Variants in TMTC2 observed in about 807,000 individuals in gnomAD.
TMTC2 encodes the protein transmembrane O-mannosyltransferase targeting cadherins 2.
TMTC2 carries 43 observed loss-of-function variants against 82.4 expected under a neutral mutation model. That is an observed-to-expected ratio of 0.52 (90% CI 0.41 to 0.67). The LOEUF is 0.67. TMTC2 is among the 30% of genes least tolerant of loss of function. The pLI is 0.00. For synonymous variants in TMTC2, 408 were observed against 381.9 expected (o/e 1.07, Z -0.80); for missense variants, 919 against 1,012.4 (o/e 0.91, Z 1.25).
At chr12:82,921,121 A>C (rs926385158) in intron 3 of TMTC2, among the ~76,000 whole-genome samples, 14 of 152,084 alleles carry the variant, frequency 9.2e-5, no homozygotes, top group Non-Finnish European at 2.1e-4. Context: ...TGAGAGGATA[A>C]CTCATTTGGA....
chr12:82,828,731 A>T (rs946025340), intron 1 of TMTC2, among the ~76,000 whole-genome samples: 4 of 152,162 alleles, frequency 2.6e-5, no homozygotes, highest in African/African-American at 9.7e-5. Context: ...TACACATAGT[A>T]CCCAAATATT....
intron 4 of TMTC2, among the ~76,000 whole-genome samples, chr12:82,948,630 A>T (rs1224672035): frequency 2.0e-5 from 3 of 152,208 alleles, no homozygotes; most frequent in African/African-American, 7.2e-5. Context: ...TTGCTTTAAC[A>T]GCAGACTTTC....
intron 11 of TMTC2, among the ~76,000 whole-genome samples, chr12:83,126,798 T>C (rs1007431103): frequency 6.6e-6 from 1 of 152,092 alleles, no homozygotes; most frequent in African/African-American, 2.4e-5. Flanking sequence ...GTATTTAACA[T>C]TCTTTTTTTT....
intron 1 of TMTC2, among the ~76,000 whole-genome samples, chr12:82,828,091 C>T (rs1869528698): frequency 6.6e-6 from 1 of 151,616 alleles, no homozygotes; most frequent in Admixed American, 6.6e-5. Context: ...CTGGGTTTCA[C>T]GGTATTGGTC....
intron 1 of TMTC2, among the ~76,000 whole-genome samples, chr12:82,765,698 AAAAC>A (rs139130701): frequency 0.041 from 6,012 of 146,732 alleles, 131 homozygotes; most frequent in African/African-American, 0.066. Context: ...AAAACAAAAC[AAAAC>A]AAACAAACAA....
chr12:83,075,111 A>T (rs1303704816), intron 11 of TMTC2, among the ~76,000 whole-genome samples: 1 of 152,046 alleles, frequency 6.6e-6, no homozygotes, highest in Non-Finnish European at 1.5e-5. Flanking sequence ...GTTCCAGGTA[A>T]AGCCAGAAAT....
chr12:82,889,396 G>C (rs1873279696), intron 2 of TMTC2, among the ~76,000 whole-genome samples: 1 of 152,104 alleles, frequency 6.6e-6, no homozygotes, highest in Non-Finnish European at 1.5e-5. Flanking sequence ...GGTATGTCAA[G>C]TTGTCAAACC....
Position 83,013,253 on chromosome 12 carries a change from C to G in TMTC2, c.2071-17545C>G, listed in dbSNP as rs955455623. 2.6e-5 allele frequency among the ~76,000 whole-genome samples: 4 copies of G among 151,420 alleles called. No homozygotes were observed. In the East Asian group the frequency reaches 5.8e-4, roughly 22 times the overall value. ...ATATCCAAACATTTATGAAATTAAT[C>G]GATTAGTTATTATTATTTTAAAACA... On this transcript the variant is annotated intron_variant, in intron 8 of 11. Coordinates refer to ENST00000321196, the MANE Select transcript of TMTC2 (RefSeq NM_152588.3).
intron 2 of TMTC2, among the ~76,000 whole-genome samples, chr12:82,871,937 G>T (rs2137137995): frequency 6.6e-6 from 1 of 151,722 alleles, no homozygotes; most frequent in Admixed American, 6.6e-5. Context: ...ACATTCGTGT[G>T]GTAACCATTC....
intron 9 of TMTC2, among the ~76,000 whole-genome samples, chr12:83,034,933 T>C (rs1411261435): frequency 6.6e-6 from 1 of 152,216 alleles, no homozygotes; most frequent in Non-Finnish European, 1.5e-5. Context: ...ATAGATATTC[T>C]TAGATTGTTA....
intron 2 of TMTC2, among the ~76,000 whole-genome samples, chr12:82,860,965 G>C (rs551141264): frequency 6.6e-5 from 10 of 152,296 alleles, no homozygotes; most frequent in South Asian, 4.2e-4. Flanking sequence ...AGTTAGAGGA[G>C]ATTCTTTCTG....
At chr12:82,695,274 T>C (rs1054191465) in intron 1 of TMTC2, among the ~76,000 whole-genome samples, 3 of 152,256 alleles carry the variant, frequency 2.0e-5, no homozygotes, top group Non-Finnish European at 4.4e-5. Flanking sequence ...AGGTGAATAA[T>C]GCTCATAAAA....
At chr12:83,054,243 A>G (rs1315006717) in intron 10 of TMTC2, among the ~76,000 whole-genome samples, 1 of 152,122 alleles carries the variant, frequency 6.6e-6, no homozygotes. Context: ...TTCCCAAAGT[A>G]TAACCTAACT....
chr12:82,817,896 T>C (rs1323851249), intron 1 of TMTC2, among the ~76,000 whole-genome samples: 1 of 152,172 alleles, frequency 6.6e-6, no homozygotes, highest in African/African-American at 2.4e-5. Flanking sequence ...ATGTTGACCT[T>C]TGAGATAATG....
At chr12:82,689,520 T>C (rs1273626388) in intron 1 of TMTC2, among the ~76,000 whole-genome samples, 1 of 152,244 alleles carries the variant, frequency 6.6e-6, no homozygotes, top group Non-Finnish European at 1.5e-5. Flanking sequence ...TTGTATGCCC[T>C]TGTTCATTGC....
intron 1 of TMTC2, among the ~76,000 whole-genome samples, chr12:82,728,999 C>G (rs1016621518): frequency 6.6e-6 from 1 of 152,358 alleles, no homozygotes; most frequent in African/African-American, 2.4e-5. Context: ...ATGCCTGAGC[C>G]TCCGCCCTCA....
At position 82,976,418 on chromosome 12, in the gene TMTC2, T is replaced by C. The variant is rs929877618; in HGVS notation, c.1948+9421T>C. Among the ~76,000 whole-genome samples, 5 of 152,222 alleles carry C rather than the reference T, an allele frequency of 3.3e-5. No individual in the cohort carries two copies. In the South Asian group the frequency reaches 8.3e-4, roughly 25 times the overall value. On this transcript the variant is annotated intron_variant, in intron 7 of 11. Transcript: ENST00000321196. ...GTTATTCCTTAATGAAACACATATT[T>C]TTTTCCATGTCTTTCCTGTGTTTGC...
At chr12:82,777,786 T>G (rs1877673342) in intron 1 of TMTC2, among the ~76,000 whole-genome samples, 1 of 152,126 alleles carries the variant, frequency 6.6e-6, no homozygotes, top group African/African-American at 2.4e-5. Context: ...TCAGCTGAAA[T>G]TTTTGCTCTT....
intron 7 of TMTC2, among the ~76,000 whole-genome samples, chr12:82,970,758 A>C (rs951076903): frequency 8.5e-5 from 13 of 152,226 alleles, no homozygotes; most frequent in African/African-American, 2.9e-4. Flanking sequence ...TAGTCACCAC[A>C]GTTCAGTGGA....
Sources: gnomAD v4.1 joint callset for allele counts (sites outside exome capture counted in the v4.1 genomes callset) on GRCh38, gnomAD v4.1.1 for gene constraint, MANE v1.5 for transcripts, NCBI Gene and HGNC (gene_info 2026-07-23, HGNC 2026-07-21) for gene names.